TNRC6A: variants seen among roughly 807,000 people sequenced by gnomAD.
The protein encoded by TNRC6A is trinucleotide repeat-containing gene 6A protein.
Under a neutral mutation model 221.2 loss-of-function variants are expected in TNRC6A, and 44 were observed. That is an observed-to-expected ratio of 0.20 (90% CI 0.16 to 0.26). The LOEUF (loss-of-function observed/expected upper bound fraction) is 0.26, where lower values mean the gene tolerates loss of function less well. Among genes scored for constraint, TNRC6A ranks in the 10% least tolerant of loss-of-function variants. The pLI is 1.00. For synonymous variants in TNRC6A, 847 were observed against 838.5 expected, an observed-to-expected ratio of 1.01 and a Z score of -0.18; for missense variants, 2,199 against 2,404.4, an observed-to-expected ratio of 0.91 and a Z score of 1.79.
At chr16:24,721,376 C>T (rs2056407572) in intron 2 of TNRC6A, among the ~76,000 whole-genome samples, 2 of 152,016 alleles carry the variant, frequency 1.3e-5, no homozygotes, top group Non-Finnish European at 2.9e-5. Flanking sequence ...TGTCAATTAA[C>T]ACAAGGAAGA....
At chr16:24,642,433 G>T (rs1901998581) in intron 2 of TNRC6A, among the ~76,000 whole-genome samples, 1 of 152,152 alleles carries the variant, frequency 6.6e-6, no homozygotes, top group Non-Finnish European at 1.5e-5. Flanking sequence ...GGAGGAGTAG[G>T]TTATATCCCA....
At chr16:24,820,879 C>T (rs982615449) in intron 22 of TNRC6A, among the ~76,000 whole-genome samples, 3 of 152,170 alleles carry the variant, frequency 2.0e-5, no homozygotes, top group Non-Finnish European at 4.4e-5. Context: ...CATTTCCTGC[C>T]TGTGCTGTCT....
intron 18 of TNRC6A, among the ~76,000 whole-genome samples, chr16:24,810,660 A>G (rs1014789828): frequency 6.6e-6 from 1 of 152,158 alleles, no homozygotes. Flanking sequence ...TGAATTCTGT[A>G]TCTCGGCATA....
intron 2 of TNRC6A, among the ~76,000 whole-genome samples, chr16:24,715,605 C>G (rs1416587085): frequency 7.9e-6 from 1 of 127,220 alleles, no homozygotes; most frequent in Non-Finnish European, 1.7e-5. Context: ...TGAGTAGTTT[C>G]TTTTTTTTTT....
intron 2 of TNRC6A, among the ~76,000 whole-genome samples, chr16:24,673,155 C>G (rs2055341176): frequency 6.6e-6 from 1 of 151,614 alleles, no homozygotes; most frequent in Non-Finnish European, 1.5e-5. Flanking sequence ...GCCTGGGCAA[C>G]AAAGCAAGAC....
intron 1 of TNRC6A, among the ~76,000 whole-genome samples, chr16:24,616,325 CAAAAAAAA>C (rs397855433): frequency 1.3e-5 from 1 of 74,110 alleles, no homozygotes. Context: ...GATGCTGTCT[CAAAAAAAA>C]AAAAAAAAAA....
intron 2 of TNRC6A, chr16:24,664,012 G>A: frequency 2.2e-6 from 1 of 451,408 alleles, no homozygotes; most frequent in Non-Finnish European, 4.5e-6. Flanking sequence ...ACCCTGTAGT[G>A]AACAGAAGAG....
chr16:24,652,219 TAAGAA>T (rs1902711322), intron 2 of TNRC6A, among the ~76,000 whole-genome samples: 1 of 152,054 alleles, frequency 6.6e-6, no homozygotes, highest in Admixed American at 6.6e-5. Context: ...TAAAAGAACT[TAAGAA>T]AGGAAACTCT....
At chr16:24,626,211 T>C (rs572710465) in intron 1 of TNRC6A, among the ~76,000 whole-genome samples, 2 of 152,226 alleles carry the variant, frequency 1.3e-5, no homozygotes, top group Admixed American at 6.6e-5. Flanking sequence ...TAAACCCTCT[T>C]CAGATTGCTC....
chr16:24,821,874 C>G (rs574459565), intron 22 of TNRC6A: 8 of 582,570 alleles, frequency 1.4e-5, no homozygotes, highest in Admixed American at 3.0e-5. Context: ...AGCTCACTGT[C>G]GCCAGAGGCA....
intron 1 of TNRC6A, chr16:24,610,507 C>CA (rs1288961509): frequency 3.3e-5 from 5 of 152,266 alleles, no homozygotes; most frequent in African/African-American, 1.2e-4. Context: ...ACACTTTCAG[C>CA]AATTATCTGC....
At position 24,723,645 on chromosome 16, in the gene TNRC6A, T is replaced by C. The variant is rs2056448824; in HGVS notation, n.403-27081T>C. Among the ~76,000 whole-genome samples the C allele has an allele frequency of 4.6e-5, 7 of 150,994 alleles. No individual in the cohort carries two copies. The South Asian group carries it at 1.3e-3, about 27-fold the overall frequency. On this transcript the variant is annotated intron_variant and non_coding_transcript_variant, in intron 2 of 2. Coordinates refer to the TNRC6A transcript ENST00000566108. ...AGTTGTGGATGCTGGACAGAGTTAA[T>C]TCCACAAAATGAGGAATTCCTCCCT... is the stretch of plus-strand genomic sequence containing the variant.
intron 3 of TNRC6A, among the ~76,000 whole-genome samples, chr16:24,754,462 A>G (rs1016994140): frequency 6.6e-6 from 1 of 152,134 alleles, no homozygotes; most frequent in African/African-American, 2.4e-5. Context: ...ATTATGTATA[A>G]CACTCTTTTC....
At chr16:24,771,623 T>TGTTATGTTATGTTATGTTAC (rs1375191812) in intron 4 of TNRC6A, among the ~76,000 whole-genome samples, 3 of 151,902 alleles carry the variant, frequency 2.0e-5, no homozygotes, top group African/African-American at 7.3e-5. Context: ...TGTTATGTTA[T>TGTTATGTTATGTTATGTTAC]GTTATTCAGG....
chr16:24,706,434 G>A (rs187735818), intron 2 of TNRC6A, among the ~76,000 whole-genome samples: 245 of 152,220 alleles, frequency 1.6e-3, no homozygotes, highest in African/African-American at 5.1e-3. Flanking sequence ...GTACTTGGCC[G>A]GGCGCAGTGG....
At position 24,756,259 on chromosome 16, in the gene TNRC6A, C is replaced by T. The variant is rs558200715; in HGVS notation, c.142-2080C>T. Reference sequence around the variant, plus strand: ...CCACATTTCAGTCAGTGGTCGGTAGCCACATGTGGCAAGTGGCTGTTGTTT... The same window carrying T: ...CCACATTTCAGTCAGTGGTCGGTAGTCACATGTGGCAAGTGGCTGTTGTTT... On this transcript the variant is annotated intron_variant, in intron 3 of 24. Coordinates refer to ENST00000395799, the MANE Select transcript of TNRC6A (RefSeq NM_014494.4). Among the ~76,000 whole-genome samples, 32 of 152,130 alleles carry T rather than the reference C, an allele frequency of 2.1e-4. 1 individual carries two copies. Among genetic ancestry groups the T allele is most frequent in the Non-Finnish European group, 7.4e-5 (5 of 68,016 alleles).
intron 3 of TNRC6A, among the ~76,000 whole-genome samples, chr16:24,755,589 G>T (rs1272401658): frequency 2.6e-5 from 4 of 152,206 alleles, no homozygotes; most frequent in Non-Finnish European, 4.4e-5. Context: ...TTTGACCATG[G>T]TCACACAGTG....
At chr16:24,626,552 A>T (rs1901001375) in intron 1 of TNRC6A, among the ~76,000 whole-genome samples, 3 of 151,892 alleles carry the variant, frequency 2.0e-5, no homozygotes, top group Non-Finnish European at 2.9e-5. Flanking sequence ...CTGAAATCTG[A>T]TGAAATCGTA....
At chr16:24,766,664 TTC>T (rs1306649290) in intron 4 of TNRC6A, among the ~76,000 whole-genome samples, 3 of 150,490 alleles carry the variant, frequency 2.0e-5, no homozygotes, top group Admixed American at 1.3e-4. Context: ...TTGTACTTTT[TTC>T]TTTTTATCTT....
Sources: allele counts gnomAD v4.1 joint callset (sites outside exome capture counted in the v4.1 genomes callset), GRCh38; gene constraint gnomAD v4.1.1; transcripts MANE v1.5; gene names NCBI Gene and HGNC (gene_info 2026-07-23, HGNC 2026-07-21).